The following COL6A5 variants were observed in gnomAD, a reference collection of about 807,000 sequenced individuals.
COL6A5 encodes the protein collagen alpha-5(VI) chain.
A neutral mutation model predicts 65.6 loss-of-function variants in COL6A5; 48 were observed. The ratio of observed to expected loss-of-function variants is 0.73; its 90% confidence interval spans 0.58 to 0.93. The LOEUF is 0.93. COL6A5 is among the 40% of genes least tolerant of loss of function. The pLI, the probability that COL6A5 is intolerant of heterozygous loss-of-function variation, is 0.00. For synonymous variants in COL6A5, 291 were observed against 322.8 expected (o/e 0.90, Z 1.05); for missense variants, 914 against 928.3 (o/e 0.98, Z 0.20).
intron 1 of COL6A5, among the ~76,000 whole-genome samples, chr3:130,435,964 T>A (rs1270141157): frequency 6.6e-6 from 1 of 152,110 alleles, no homozygotes; most frequent in Admixed American, 6.6e-5. Context: ...GAACTTCCTA[T>A]AATATGTTGA....
intron 12 of COL6A5, among the ~76,000 whole-genome samples, chr3:130,402,559 G>A (rs1289544528): frequency 6.6e-6 from 1 of 152,096 alleles, no homozygotes; most frequent in Non-Finnish European, 1.5e-5. Context: ...TTTATTAGAA[G>A]TTATAGTATC....
At chr3:130,372,447 A>G (rs556512551) in intron 1 of COL6A5, among the ~76,000 whole-genome samples, 1 of 152,040 alleles carries the variant, frequency 6.6e-6, no homozygotes, top group East Asian at 1.9e-4. Flanking sequence ...TTTAAATTAT[A>G]TATATATATA....
At position 130,465,854 on chromosome 3, in the gene COL6A5, A is replaced by G. The variant is rs187522001; in HGVS notation, c.1545-2941A>G. Among the ~76,000 whole-genome samples the G allele has an allele frequency of 2.3e-3, 352 of 152,144 alleles. 1 individual carries two copies. The highest frequency in any genetic ancestry group is 9.1e-3 in the South Asian group (44 of 4,826). ...TAAGTGGAAACATGAAAGATATAAA[A>G]AGAAGATTCCAATAGAATTTGCAGG... is the stretch of plus-strand genomic sequence containing the variant. On this transcript the variant is annotated intron_variant, in intron 5 of 7. Transcript: ENST00000512836.
At position 130,385,915 on chromosome 3, in the gene COL6A5, A is replaced by G. The variant is rs944572564; in HGVS notation, c.1861+551A>G. Among the ~76,000 whole-genome samples, 3 of 152,094 alleles carry G rather than the reference A, an allele frequency of 2.0e-5. No individual in the cohort carries two copies. In the South Asian group the frequency reaches 6.2e-4, roughly 31 times the overall value. On this transcript the variant is annotated intron_variant and NMD_transcript_variant, in intron 5 of 41. Coordinates refer to the COL6A5 transcript ENST00000312481. ...ACCATTATTTTTATATTAAATGCATATCAAGTATATATGTAATAATTGTTC... is the reference window on the plus strand; with the variant it reads ...ACCATTATTTTTATATTAAATGCATGTCAAGTATATATGTAATAATTGTTC...
chr3:130,386,192 G>T (rs1429371560), intron 5 of COL6A5, among the ~76,000 whole-genome samples: 1 of 152,058 alleles, frequency 6.6e-6, no homozygotes, highest in Admixed American at 6.6e-5. Context: ...TAGAGTCAGA[G>T]TCAAGGTTCA....
chr3:130,426,190 T>G (rs913802767), intron 29 of COL6A5, 24 bp from the exon 30 acceptor site: 2 of 1,550,466 alleles, frequency 1.3e-6, no homozygotes, highest in Non-Finnish European at 1.7e-6. Context: ...TACCACTAAC[T>G]TGCTCTGTTT....
chr3:130,438,935 T>A (rs1020466486), intron 1 of COL6A5, among the ~76,000 whole-genome samples: 1 of 152,154 alleles, frequency 6.6e-6, no homozygotes, highest in Non-Finnish European at 1.5e-5. Flanking sequence ...CACCAGGAAT[T>A]TTGAATAAAA....
At chr3:130,473,186 T>G (rs116421006) in intron 7 of COL6A5, among the ~76,000 whole-genome samples, 3,908 of 152,040 alleles carry the variant, frequency 0.026, 180 homozygotes, top group African/African-American at 0.087. Flanking sequence ...TGATTACAAC[T>G]GAAAATTCTG....
intron 2 of COL6A5, among the ~76,000 whole-genome samples, chr3:130,375,375 T>A (rs1036649276): frequency 5.3e-5 from 8 of 152,128 alleles, no homozygotes; most frequent in Admixed American, 2.6e-4. Context: ...TCTGCTGTAA[T>A]TTAGGCTCCA....
rs1189379567 is a variant in COL6A5, at chr3:130,421,317, A to G, written c.5002-8A>G. The G allele has an allele frequency of 1.9e-6, 3 of 1,550,668 alleles. No individual in the cohort carries two copies. The highest frequency in any genetic ancestry group is 1.4e-5 in the African/African-American group (1 of 72,982). ...TGATGTATTTATGTTCTGTGCTGAA[A>G]ATTATAGGGCCCAAGAGGATTCCCT... is the stretch of plus-strand genomic sequence containing the variant. On this transcript the variant is annotated splice_polypyrimidine_tract_variant and splice_region_variant and intron_variant and NMD_transcript_variant, in intron 26 of 41. Coordinates refer to the COL6A5 transcript ENST00000312481.
chr3:130,439,339 T>TTGTGTGTGTGTGTG lies in COL6A5; in HGVS notation c.488-156_488-143dup, dbSNP rs5852597. Among the ~76,000 whole-genome samples the TTGTGTGTGTGTGTG allele has an allele frequency of 1.2e-3, 180 of 146,666 alleles. 1 individual carries two copies. Among genetic ancestry groups the TTGTGTGTGTGTGTG allele is most frequent in the East Asian group, 6.2e-3 (31 of 4,984 alleles). ...TGTTATGTTTGGGATAAGCAGGGGA[T>TTGTGTGTGTGTGTG]TGTGTGTGTGTGTGTGTGTGTGTGT... On this transcript the variant is annotated intron_variant, in intron 1 of 7. Transcript: ENST00000512836.
intron 5 of COL6A5, among the ~76,000 whole-genome samples, chr3:130,460,120 TATTGGCTTCTGAGTC>T (rs1709669700): frequency 6.6e-6 from 1 of 152,136 alleles, no homozygotes; most frequent in African/African-American, 2.4e-5. Context: ...AATGCAGCAG[TATTGGCTTCTGAGTC>T]ATCCAAGGAA....
chr3:130,380,203 C>G (rs1307622553), intron 4 of COL6A5, among the ~76,000 whole-genome samples, 153 bp downstream of exon 4: 1 of 152,080 alleles, frequency 6.6e-6, no homozygotes, highest in Non-Finnish European at 1.5e-5. Context: ...GCCCATACAA[C>G]TTCAAACATT....
chr3:130,407,566 G>C (rs1225498506), intron 17 of COL6A5, among the ~76,000 whole-genome samples: 1 of 152,228 alleles, frequency 6.6e-6, no homozygotes, highest in East Asian at 1.9e-4. Context: ...AATATGCTAA[G>C]GGTGTAGCGG....
intron 4 of COL6A5, among the ~76,000 whole-genome samples, chr3:130,451,340 AG>A (rs1709425747): frequency 1.3e-5 from 2 of 152,064 alleles, no homozygotes; most frequent in Non-Finnish European, 2.9e-5. Context: ...TGAGGGTAAG[AG>A]GGTTGGACCG....
chr3:130,353,260 C>A (rs1210389007), intron 1 of COL6A5, among the ~76,000 whole-genome samples: 2 of 152,148 alleles, frequency 1.3e-5, no homozygotes, highest in African/African-American at 2.4e-5. Context: ...ACCTGTCTTT[C>A]CTCAACTTTA....
chr3:130,371,039 A>G (rs1935534909), intron 1 of COL6A5, among the ~76,000 whole-genome samples: 1 of 152,154 alleles, frequency 6.6e-6, no homozygotes, highest in South Asian at 2.1e-4. Context: ...CTAAAGAAGG[A>G]TGTATACACA....
At chr3:130,474,178 C>T (rs1054696908) in intron 7 of COL6A5, among the ~76,000 whole-genome samples, 7 of 151,962 alleles carry the variant, frequency 4.6e-5, no homozygotes, top group Admixed American at 3.9e-4. Flanking sequence ...ATTAGGGGAC[C>T]TATATAAGTC....
At chr3:130,405,847 C>A in intron 14 of COL6A5, 146 bp from the exon 15 acceptor site, 1 of 915,228 alleles carries the variant, frequency 1.1e-6, no homozygotes, top group Non-Finnish European at 1.7e-6. Context: ...GAGTCTTTAG[C>A]ATTAATAAAT....
Sources: allele counts gnomAD v4.1 joint callset (sites outside exome capture counted in the v4.1 genomes callset), GRCh38; gene constraint gnomAD v4.1.1; transcripts MANE v1.5; gene names NCBI Gene and HGNC (gene_info 2026-07-23, HGNC 2026-07-21).